The following LSM14A variants were observed in gnomAD, a reference collection of about 807,000 sequenced individuals.
LSM14A encodes protein LSM14 homolog A.
Under a neutral mutation model 52.4 loss-of-function variants are expected in LSM14A, and 14 were observed. The observed-to-expected ratio is 0.27, with a 90% CI of 0.18 to 0.42. The LOEUF (loss-of-function observed/expected upper bound fraction) is 0.42. LSM14A is among the 10% of genes least tolerant of loss of function. The pLI, the probability that LSM14A is intolerant of heterozygous loss-of-function variation, is 1.00. For missense variants in LSM14A, 417 were observed against 581.8 expected (o/e 0.72, Z 2.91); for synonymous variants, 185 against 200.3 (o/e 0.92, Z 0.64).
At chr19:34,203,480 A>G (rs1007477617) in intron 3 of LSM14A, among the ~76,000 whole-genome samples, 3 of 152,126 alleles carry the variant, frequency 2.0e-5, no homozygotes, top group African/African-American at 4.8e-5. Context: ...GGGTGTTTCA[A>G]CCATTATGGA....
At chr19:34,226,311 A>C in intron 9 of LSM14A, 4 of 1,184,478 alleles carry the variant, frequency 3.4e-6, no homozygotes, top group Non-Finnish European at 4.7e-6. Flanking sequence ...ACTCAGCATA[A>C]TGCTCTCTCT....
rs1555775692 is a variant in LSM14A at position 34,227,790 on chromosome 19, T to TGTGTGTGTGTGTG, written c.*402_*403insGTGTGTGTGTGTG. ...ATACTGTGTTTTGAGCCACAGAAGG[T>TGTGTGTGTGTGTG]TGTGTGTGTGTGTGTGTGTGTGTGT... On this transcript the variant is annotated 3_prime_UTR_variant, in exon 10 of 10. Coordinates refer to ENST00000544216, the MANE Select transcript of LSM14A (RefSeq NM_015578.4). The TGTGTGTGTGTGTG allele has an allele frequency of 6.6e-6, 1 of 152,312 alleles. No individual in the cohort carries two copies. The highest frequency in any genetic ancestry group is 2.7e-5 in the African/African-American group (1 of 36,462). The allele number at this position is 152,312 out of a possible 1,614,324, so 9.4% of individuals were successfully genotyped here. A position where few individuals can be genotyped will look rare whatever the true frequency, so the allele number is the denominator to read the frequency against.
At chr19:34,208,362 A>G (rs995073524) in intron 3 of LSM14A, 8 of 152,238 alleles carry the variant, frequency 5.3e-5, no homozygotes, top group African/African-American at 1.7e-4. Context: ...ATAACCTAGT[A>G]TGGCAGAGAA....
At chr19:34,218,939 T>G (rs2072870766) in intron 6 of LSM14A, among the ~76,000 whole-genome samples, 1 of 152,244 alleles carries the variant, frequency 6.6e-6, no homozygotes, top group East Asian at 1.9e-4. Context: ...TTTATTTTTC[T>G]TACTATAAAT....
chr19:34,221,406 T>C (rs2070931742), intron 8 of LSM14A, 101 bp from the exon 9 acceptor site: 2 of 1,269,946 alleles, frequency 1.6e-6, no homozygotes, highest in African/African-American at 1.5e-5. Flanking sequence ...TAATTAGCTT[T>C]AGTAATTACT....
intron 3 of LSM14A, among the ~76,000 whole-genome samples, chr19:34,199,455 G>A (rs986487468): frequency 5.3e-5 from 8 of 152,080 alleles, no homozygotes; most frequent in African/African-American, 1.4e-4. Flanking sequence ...AAACTGTTTT[G>A]TATGTATTAT....
chr19:34,204,322 G>A (rs2071525097), intron 3 of LSM14A, among the ~76,000 whole-genome samples: 1 of 152,088 alleles, frequency 6.6e-6, no homozygotes, highest in South Asian at 2.1e-4. Flanking sequence ...AATTAATAAA[G>A]TTAACTTGAA....
chr19:34,227,217 T>G, intron 9 of LSM14A, 148 bp from the exon 10 acceptor site: 1 of 647,532 alleles, frequency 1.5e-6, no homozygotes, highest in Non-Finnish European at 2.7e-6. Context: ...AGAAGGAGTT[T>G]CGTGGAAATG....
intron 4 of LSM14A, among the ~76,000 whole-genome samples, chr19:34,211,776 C>A (rs1195266158): frequency 6.6e-6 from 1 of 151,340 alleles, no homozygotes; most frequent in Non-Finnish European, 1.5e-5. Flanking sequence ...GCGACAGAAC[C>A]AAGACCCTGT....
In LSM14A at chr19:34,204,018, G is replaced by A. The variant is rs1156998356; in HGVS notation, c.416-4911G>A. Reference sequence around the variant, plus strand: ...CAAACAGCAATAACAAGAAAAGTGTGTAGCATACGTTAATATCAGACAAAG... The same window carrying A: ...CAAACAGCAATAACAAGAAAAGTGTATAGCATACGTTAATATCAGACAAAG... On this transcript the variant is annotated intron_variant, in intron 3 of 9. Transcript: ENST00000544216. 5.3e-5 allele frequency among the ~76,000 whole-genome samples: 8 copies of A among 152,078 alleles called. 1 individual carries two copies. The highest frequency in any genetic ancestry group is 1.4e-4 in the African/African-American group (6 of 41,404).
chr19:34,216,381 C>G (rs551545075), intron 6 of LSM14A, among the ~76,000 whole-genome samples: 1 of 151,560 alleles, frequency 6.6e-6, no homozygotes, highest in African/African-American at 2.4e-5. Context: ...CCACTGCACT[C>G]CAGCCTAGGC....
intron 1 of LSM14A, among the ~76,000 whole-genome samples, chr19:34,182,060 A>C (rs2069520572): frequency 6.6e-6 from 1 of 152,142 alleles, no homozygotes; most frequent in Admixed American, 6.5e-5. Context: ...TAGATGCAGA[A>C]TTTGACCTCT....
chr19:34,202,583 A>G (rs2071382604), intron 3 of LSM14A, among the ~76,000 whole-genome samples: 1 of 152,108 alleles, frequency 6.6e-6, no homozygotes, highest in African/African-American at 2.4e-5. Flanking sequence ...TTTGGCAAAA[A>G]CTCAAAAGCT....
intron 4 of LSM14A, among the ~76,000 whole-genome samples, chr19:34,209,963 C>A (rs1338267570): frequency 6.6e-6 from 1 of 152,150 alleles, no homozygotes; most frequent in African/African-American, 2.4e-5. Flanking sequence ...AACAAGCCTC[C>A]CACTTTAGCT....
chr19:34,186,893 T>G (rs2069947892), intron 1 of LSM14A, among the ~76,000 whole-genome samples: 1 of 152,188 alleles, frequency 6.6e-6, no homozygotes, highest in Admixed American at 6.5e-5. Flanking sequence ...GACTCGTTTC[T>G]TTTTCTTTTC....
chr19:34,195,920 T>C (rs1260163846), intron 2 of LSM14A, among the ~76,000 whole-genome samples: 2 of 152,228 alleles, frequency 1.3e-5, no homozygotes, highest in African/African-American at 4.8e-5. Flanking sequence ...ATTCATTCAG[T>C]AGTATTTACA....
At chr19:34,222,753 A>T (rs983153906) in intron 9 of LSM14A, among the ~76,000 whole-genome samples, 3 of 152,196 alleles carry the variant, frequency 2.0e-5, no homozygotes, top group Non-Finnish European at 4.4e-5. Flanking sequence ...TACTCAAGTC[A>T]CCAGCTTATG....
At chr19:34,215,448 A>T in intron 5 of LSM14A, 148 bp downstream of exon 5, 1 of 1,123,718 alleles carries the variant, frequency 8.9e-7, no homozygotes, top group Non-Finnish European at 1.3e-6. Flanking sequence ...AATTTGACTC[A>T]AAGTGGTGGT....
At chr19:34,225,797 G>A (rs2073308827) in intron 9 of LSM14A, among the ~76,000 whole-genome samples, 1 of 152,170 alleles carries the variant, frequency 6.6e-6, no homozygotes, top group Non-Finnish European at 1.5e-5. Flanking sequence ...CAGTGCAATG[G>A]TGTACACATG....
Sources: allele counts gnomAD v4.1 joint callset (sites outside exome capture counted in the v4.1 genomes callset), GRCh38; gene constraint gnomAD v4.1.1; transcripts MANE v1.5; gene names NCBI Gene and HGNC (gene_info 2026-07-23, HGNC 2026-07-21).